The following ZNF250 variants were observed in gnomAD, a reference collection of about 807,000 sequenced individuals.
ZNF250 encodes the protein zinc finger protein (clone 647).
In ZNF250, 13 loss-of-function variants were observed where a neutral mutation model predicts 37.1. The ratio of observed to expected loss-of-function variants is 0.35; its 90% CI spans 0.23 to 0.56. The LOEUF (loss-of-function observed/expected upper bound fraction) is 0.56, where lower values mean the gene tolerates loss of function less well. Among genes scored for constraint, ZNF250 ranks in the 20% least tolerant of loss-of-function variants. ZNF250 has a pLI of 0.87. For synonymous variants in ZNF250, 251 were observed against 265.6 expected (o/e 0.94, Z 0.54); for missense variants, 474 against 697.9 (o/e 0.68, Z 3.61).
chr8:144,882,898 C>T lies in ZNF250; in HGVS notation c.347-62G>A. The T allele has an allele frequency of 6.5e-7, 1 of 1,541,482 alleles. No homozygotes were observed. The highest frequency in any genetic ancestry group is 8.7e-7 in the Non-Finnish European group (1 of 1,146,596). On this transcript the variant is annotated intron_variant, in intron 5 of 5. Coordinates refer to ENST00000417550, the MANE Select transcript of ZNF250 (RefSeq NM_001109689.4). The surrounding 1 kb of genome is among the most constrained non-coding windows in gnomAD (Gnocchi z 5.5). Reference sequence around the variant, plus strand: ...ACTCAAAACTGAAGAGCTAGTGCAACCCTGAAACTGGCCTTGCTGATGAAG... The same window carrying T: ...ACTCAAAACTGAAGAGCTAGTGCAATCCTGAAACTGGCCTTGCTGATGAAG...
chr8:144,892,524 C>T (rs1190391183), intron 1 of ZNF250, among the ~76,000 whole-genome samples: 2 of 151,924 alleles, frequency 1.3e-5, no homozygotes, highest in Non-Finnish European at 2.9e-5. Flanking sequence ...TTGTGTGTAC[C>T]CAGATGGGAT....
rs747106901 is a variant in ZNF250, at chr8:144,890,122, GCATGTGA to G, written c.43-70_43-64del. ...CTGATGTCTGTGATGGGGAGTGGGT[GCATGTGA>G]CATGTGACATGAGCAGTTGGCAGTG... On this transcript the variant is annotated intron_variant, in intron 2 of 5. Transcript: ENST00000417550. The surrounding 1 kb of genome is among the most constrained non-coding windows in gnomAD (Gnocchi z 5.1). 10 of 1,584,956 alleles carry G rather than the reference GCATGTGA, an allele frequency of 6.3e-6. No individual in the cohort carries two copies. Among genetic ancestry groups the G allele is most frequent in the Non-Finnish European group, 8.6e-6 (10 of 1,165,250 alleles).
chr8:144,896,293 G>A (rs1403003335), intron 1 of ZNF250, among the ~76,000 whole-genome samples: 1 of 151,842 alleles, frequency 6.6e-6, no homozygotes, highest in African/African-American at 2.4e-5. Flanking sequence ...GCTGCAGTAA[G>A]CTGTAACTGC....
rs889746398 is a variant in ZNF250 at position 144,897,467 on chromosome 8, G to C, written c.-55+3932C>G. 6.6e-6 allele frequency among the ~76,000 whole-genome samples: 1 copy of C among 152,218 alleles called. No individual in the cohort carries two copies. The highest frequency in any genetic ancestry group is 6.5e-5 in the Admixed American group (1 of 15,276). On this transcript the variant is annotated intron_variant, in intron 1 of 5. Coordinates refer to ENST00000417550, the MANE Select transcript of ZNF250 (RefSeq NM_001109689.4). The surrounding 1 kb of genome is among the most constrained non-coding windows in gnomAD (Gnocchi z 5.2). ...TTCCAGAATTAATGATCAGAAATAT[G>C]TATCCAAATTGATAGCTTTCTGGTC...
chr8:144,885,549 C>G (rs1329998767), intron 5 of ZNF250, among the ~76,000 whole-genome samples: 1 of 152,164 alleles, frequency 6.6e-6, no homozygotes, highest in Admixed American at 6.5e-5. Flanking sequence ...ACTGCAACCT[C>G]AACCTCCTGG....
chr8:144,893,434 G>T (rs894719801), intron 1 of ZNF250, among the ~76,000 whole-genome samples: 2 of 152,094 alleles, frequency 1.3e-5, no homozygotes, highest in African/African-American at 4.8e-5. Context: ...AGGCTCAAGC[G>T]ATCCTCCTAC....
At chr8:144,883,801 G>A (rs1368742979) in intron 5 of ZNF250, among the ~76,000 whole-genome samples, 1 of 152,198 alleles carries the variant, frequency 6.6e-6, no homozygotes, top group East Asian at 1.9e-4. Flanking sequence ...GGCAGGGGTG[G>A]AGACTCTTCT....
At position 144,901,317 on chromosome 8, in the gene ZNF250, G is replaced by C. The variant is rs1452193296; in HGVS notation, c.-55+82C>G. On this transcript the variant is annotated intron_variant, in intron 1 of 5. Transcript: ENST00000417550. This position sits in a 1 kb window ranked among gnomAD's most constrained non-coding sequence, Gnocchi z 5.4. ...TGCGTGCTCGCGGGGAAGAGTCCAC[G>C]ATTCGTGTGGAGGACGCACCGGCTC... The C allele has an allele frequency of 6.6e-6, 1 of 152,386 alleles. No homozygotes were observed. Among genetic ancestry groups the C allele is most frequent in the African/African-American group, 2.4e-5 (1 of 41,444 alleles). 9.4% of individuals were successfully genotyped at this position (152,386 alleles called of 1,614,324 possible).
In ZNF250 at chr8:144,890,264, G is replaced by A. The variant is rs764710104; in HGVS notation, c.42+44C>T. The A allele has an allele frequency of 6.5e-7, 1 of 1,547,658 alleles. No homozygotes were observed. The highest frequency in any genetic ancestry group is 2.3e-5 in the East Asian group (1 of 42,750). ...TCTACGGGGCACGGAAGGAACCACAGGGCTCGGGCTGGGGGCACTGCATAA... is the reference window on the plus strand; with the variant it reads ...TCTACGGGGCACGGAAGGAACCACAAGGCTCGGGCTGGGGGCACTGCATAA... On this transcript the variant is annotated intron_variant, in intron 2 of 5. Coordinates refer to ENST00000417550, the MANE Select transcript of ZNF250 (RefSeq NM_001109689.4). This position sits in a 1 kb window ranked among gnomAD's most constrained non-coding sequence, Gnocchi z 5.1.
intron 5 of ZNF250, among the ~76,000 whole-genome samples, chr8:144,884,050 T>C (rs910007238): frequency 6.6e-6 from 1 of 151,712 alleles, no homozygotes; most frequent in African/African-American, 2.4e-5. Context: ...GCTCTAAACA[T>C]TATTATATTT....
chr8:144,881,953 CCG>C lies in ZNF250; in HGVS notation c.1228_1229del (p.Arg410AspfsTer40). 6.2e-7 allele frequency: 1 copy of C among 1,613,964 alleles called. No individual in the cohort carries two copies. The highest frequency in any genetic ancestry group is 8.5e-7 in the Non-Finnish European group (1 of 1,179,990). On this transcript the variant is annotated frameshift_variant, in exon 6 of 6. Transcript: ENST00000417550. LOFTEE classifies it high-confidence loss of function. ...CATAGGGCTTTTCCTCGGTGTGGAT[CCG>C]CTCGTGATTCATCAGTGTGGAGCGG... ...SHRSTLMNHE[R>X]IHTEEKPYAC... is the part of the protein sequence containing the mutation.
intron 5 of ZNF250, among the ~76,000 whole-genome samples, chr8:144,883,337 A>G (rs1470139862): frequency 1.3e-5 from 2 of 151,116 alleles, no homozygotes; most frequent in African/African-American, 2.4e-5. Context: ...TGTGGAAAAT[A>G]ATTTCTTTTT....
At position 144,879,078 on chromosome 8, in the gene ZNF250, ACACCTTAGTTATTTTAT is replaced by A. The variant is rs1305193180; in HGVS notation, c.*2420_*2436del. ...TTAAGCTCTTGTCTTCTCTGAACTA[ACACCTTAGTTATTTTAT>A]CTATCTGAAACAACACCTCACAGAA... On this transcript the variant is annotated 3_prime_UTR_variant, in exon 6 of 6. Coordinates refer to ENST00000417550, the MANE Select transcript of ZNF250 (RefSeq NM_001109689.4). The A allele has an allele frequency of 1.3e-5, 2 of 152,250 alleles. No individual in the cohort carries two copies. The highest frequency in any genetic ancestry group is 2.9e-5 in the Non-Finnish European group (2 of 68,042). The allele number at this position is 152,250 out of a possible 1,614,324, so 9.4% of individuals were successfully genotyped here. A position where few individuals can be genotyped will look rare whatever the true frequency, so the allele number is the denominator to read the frequency against.
rs1448675855 is a variant in ZNF250 at position 144,880,502 on chromosome 8, G to T, written c.*1013C>A. On this transcript the variant is annotated 3_prime_UTR_variant, in exon 6 of 6. Coordinates refer to ENST00000417550, the MANE Select transcript of ZNF250 (RefSeq NM_001109689.4). ...AGTTTTGAGGAAAATACCCATTTTT[G>T]AGTTGAATTTTTACTAAAAAGTTAG... is the stretch of plus-strand genomic sequence containing the variant. 2.2e-6 allele frequency: 1 copy of T among 456,538 alleles called. No homozygotes were observed. Among genetic ancestry groups the T allele is most frequent in the Non-Finnish European group, 4.4e-6 (1 of 226,938 alleles). 28.3% of individuals were successfully genotyped at this position (456,538 alleles called of 1,614,324 possible).
intron 1 of ZNF250, among the ~76,000 whole-genome samples, chr8:144,899,495 C>A (rs973632053): frequency 6.6e-6 from 1 of 151,964 alleles, no homozygotes; most frequent in Non-Finnish European, 1.5e-5. Flanking sequence ...TCACATGTAT[C>A]CCATAAATGT....
In ZNF250 at chr8:144,897,686, G is replaced by C. The variant is rs1045590277; in HGVS notation, c.-55+3713C>G. 5.9e-5 allele frequency among the ~76,000 whole-genome samples: 9 copies of C among 152,184 alleles called. No individual in the cohort carries two copies. Among genetic ancestry groups the C allele is most frequent in the African/African-American group, 1.9e-4 (8 of 41,436 alleles). On this transcript the variant is annotated intron_variant, in intron 1 of 5. Coordinates refer to ENST00000417550, the MANE Select transcript of ZNF250 (RefSeq NM_001109689.4). The surrounding 1 kb of genome is among the most constrained non-coding windows in gnomAD (Gnocchi z 5.2). Reference sequence around the variant, plus strand: ...GGGGTCTCACAGCCTTCAGAGCTGAGAGCCCTGAACAGAGATTTACCCACG... The same window carrying C: ...GGGGTCTCACAGCCTTCAGAGCTGACAGCCCTGAACAGAGATTTACCCACG...
Position 144,894,948 on chromosome 8 carries a change from G to A in ZNF250, c.-54-4545C>T, listed in dbSNP as rs567275080. 2.6e-5 allele frequency among the ~76,000 whole-genome samples: 4 copies of A among 152,196 alleles called. No homozygotes were observed. In the South Asian group the frequency reaches 8.3e-4, roughly 32 times the overall value. Reference sequence around the variant, plus strand: ...GAAAGTGTCAAGATTACAGGCCTGAGAACACCACACCCGGCCTGTTTGTTG... The same window carrying A: ...GAAAGTGTCAAGATTACAGGCCTGAAAACACCACACCCGGCCTGTTTGTTG... On this transcript the variant is annotated intron_variant, in intron 1 of 5. Coordinates refer to ENST00000417550, the MANE Select transcript of ZNF250 (RefSeq NM_001109689.4).
intron 4 of ZNF250, among the ~76,000 whole-genome samples, chr8:144,888,928 C>T (rs893234267): frequency 6.6e-6 from 1 of 151,952 alleles, no homozygotes; most frequent in African/African-American, 2.4e-5. Context: ...GCCACCATGC[C>T]CGGCTAATTT....
intron 4 of ZNF250, among the ~76,000 whole-genome samples, 176 bp from the exon 5 acceptor site, chr8:144,887,078 G>A (rs1223244080): frequency 1.3e-5 from 2 of 151,596 alleles, no homozygotes; most frequent in Non-Finnish European, 2.9e-5. Flanking sequence ...GTGAAACCCC[G>A]TCTCTACTAA....
Sources: gnomAD v4.1 joint callset for allele counts (sites outside exome capture counted in the v4.1 genomes callset) on GRCh38, gnomAD v4.1.1 for gene constraint, Gnocchi (gnomAD v3.1) non-coding constraint, MANE v1.5 for transcripts, NCBI Gene and HGNC (gene_info 2026-07-23, HGNC 2026-07-21) for gene names.